The following COL12A1 variants were observed in gnomAD, a reference collection of about 807,000 sequenced individuals.
The protein encoded by COL12A1 is collagen alpha-1(XII) chain.
COL12A1 carries 114 observed loss-of-function variants against 349.7 expected under a neutral mutation model. That is an observed-to-expected ratio of 0.33 (90% CI 0.28 to 0.38). The LOEUF (loss-of-function observed/expected upper bound fraction) is 0.38. Among genes scored for constraint, COL12A1 ranks in the 10% least tolerant of loss-of-function variants. The pLI, the probability that COL12A1 is intolerant of heterozygous loss-of-function variation, is 1.00. For synonymous variants in COL12A1, 1,369 were observed against 1,329.0 expected (o/e 1.03, Z -0.66); for missense variants, 3,284 against 3,756.9 (o/e 0.87, Z 3.29).
rs1767749134 is a variant in COL12A1, at chr6:75,091,232, C to A, written c.8752+91G>T. ...TTATCAAATGAAATGAAAGAGAAAT[C>A]TATCTCTTAGAAACTTCATGACTCA... On this transcript the variant is annotated intron_variant, in intron 62 of 65. Transcript: ENST00000322507. 6 of 1,022,760 alleles carry A rather than the reference C, an allele frequency of 5.9e-6. No individual in the cohort carries two copies. In the South Asian group the frequency reaches 8.8e-5, roughly 15 times the overall value. The allele number at this position is 1,022,760 out of a possible 1,614,324, so 63.4% of individuals were successfully genotyped here.
chr6:75,163,294 A>C (rs1768113337), intron 14 of COL12A1, among the ~76,000 whole-genome samples: 1 of 152,240 alleles, frequency 6.6e-6, no homozygotes, highest in African/African-American at 2.4e-5. Context: ...TGGATAAAGA[A>C]AATGTGACAC....
chr6:75,107,172 G>A (rs1377805396), intron 52 of COL12A1, among the ~76,000 whole-genome samples: 1 of 151,944 alleles, frequency 6.6e-6, no homozygotes, highest in African/African-American at 2.4e-5. Flanking sequence ...GACTACAGGC[G>A]TGAGCCATGG....
chr6:75,094,757 G>A (rs1229759709), intron 60 of COL12A1, among the ~76,000 whole-genome samples: 1 of 152,130 alleles, frequency 6.6e-6, no homozygotes, highest in South Asian at 2.1e-4. Flanking sequence ...GTGCACCATC[G>A]TCATGTATTT....
At chr6:75,143,778 C>A (rs975799554) in intron 25 of COL12A1, among the ~76,000 whole-genome samples, 1 of 152,050 alleles carries the variant, frequency 6.6e-6, no homozygotes, top group African/African-American at 2.4e-5. Flanking sequence ...GAGTTATGCA[C>A]CCTCAAGAAC....
chr6:75,085,939 T>C lies in COL12A1; in HGVS notation c.*608A>G, dbSNP rs2149320236. The stretch of plus-strand genomic sequence containing the variant: ...TTAAACTTTGGTTTGAAAATTGCAG[T>C]TACAAAACCCAAATGAGAGGACACG... On this transcript the variant is annotated 3_prime_UTR_variant, in exon 66 of 66. Transcript: ENST00000322507. The C allele has an allele frequency of 6.5e-6, 1 of 153,816 alleles. No individual in the cohort carries two copies. The highest frequency in any genetic ancestry group is 1.9e-4 in the East Asian group (1 of 5,202). 9.5% of individuals were successfully genotyped at this position (153,816 alleles called of 1,614,324 possible).
At chr6:75,195,370 G>C (rs1391812365) in intron 2 of COL12A1, among the ~76,000 whole-genome samples, 3 of 152,116 alleles carry the variant, frequency 2.0e-5, no homozygotes, top group African/African-American at 7.2e-5. Flanking sequence ...CTTACAACCA[G>C]AGAAGTTAAT....
Position 75,125,259 on chromosome 6 carries a change from T to A in COL12A1, c.6475A>T (p.Met2159Leu), listed in dbSNP as rs1582089675. ...GTCATTTCTCCAACAAAGGCTTCCA[T>A]GGGCTCATTGGAACCTTTATTAACA... ...VYKPVGSNEP[M>L]EAFVGEMTSY... is the part of the protein sequence containing the mutation. Residue 2159 changes from methionine (M) to leucine (L), a missense_variant, in exon 40 of 66, where the codon ATG becomes TTG. Coordinates refer to ENST00000322507, the MANE Select transcript of COL12A1 (RefSeq NM_004370.6). The A allele has an allele frequency of 6.2e-7, 1 of 1,606,452 alleles. No individual in the cohort carries two copies. The highest frequency in any genetic ancestry group is 8.5e-7 in the Non-Finnish European group (1 of 1,176,428).
At chr6:75,194,780 A>G in intron 3 of COL12A1, 51 bp downstream of exon 3, 1 of 1,154,882 alleles carries the variant, frequency 8.7e-7, no homozygotes, top group South Asian at 1.4e-5. Flanking sequence ...GTGGAGATTG[A>G]GTTATATCAT....
At chr6:75,182,693 T>A (rs987348429) in intron 10 of COL12A1, among the ~76,000 whole-genome samples, 1 of 152,188 alleles carries the variant, frequency 6.6e-6, no homozygotes, top group African/African-American at 2.4e-5. Flanking sequence ...CACCTTTGAG[T>A]TGAAGGACCC....
intron 14 of COL12A1, among the ~76,000 whole-genome samples, chr6:75,165,224 G>C (rs888657486): frequency 1.3e-5 from 2 of 151,646 alleles, no homozygotes; most frequent in Non-Finnish European, 2.9e-5. Flanking sequence ...CATAGCTTCT[G>C]GTCTTTTTAC....
intron 40 of COL12A1, 102 bp from the exon 41 acceptor site, chr6:75,124,473 A>AG (rs1765916540): frequency 1.2e-6 from 1 of 828,944 alleles, no homozygotes; most frequent in Non-Finnish European, 1.8e-6. Context: ...GCTAAAAAAA[A>AG]GTTCAAAATT....
chr6:75,196,500 C>T, intron 2 of COL12A1, among the ~76,000 whole-genome samples: 1 of 152,202 alleles, frequency 6.6e-6, no homozygotes, highest in African/African-American at 2.4e-5. Flanking sequence ...ATTGGATACA[C>T]TAGTATTGGA....
At chr6:75,139,691 C>G (rs1028282963) in intron 27 of COL12A1, among the ~76,000 whole-genome samples, 1 of 152,162 alleles carries the variant, frequency 6.6e-6, no homozygotes, top group African/African-American at 2.4e-5. Context: ...AGGTAACCCA[C>G]ACATAGCTTC....
intron 3 of COL12A1, among the ~76,000 whole-genome samples, chr6:75,193,340 G>GA (rs1375200397): frequency 6.6e-6 from 1 of 152,058 alleles, no homozygotes; most frequent in African/African-American, 2.4e-5. Flanking sequence ...GATTGAAAGA[G>GA]AAAAAAGTAA....
At chr6:75,174,982 T>C in intron 13 of COL12A1, 56 bp downstream of exon 13, 1 of 1,587,928 alleles carries the variant, frequency 6.3e-7, no homozygotes, top group South Asian at 1.1e-5. Flanking sequence ...TTAAGCTTCC[T>C]AGAGGCAGCA....
intron 21 of COL12A1, among the ~76,000 whole-genome samples, chr6:75,149,571 AT>A (rs1306373213): frequency 6.6e-6 from 1 of 152,160 alleles, no homozygotes; most frequent in Non-Finnish European, 1.5e-5. Flanking sequence ...GAAAATGGAA[AT>A]ATTAAGCTCA....
rs778337439 is a variant in COL12A1, at chr6:75,104,892, A to G, written c.8265+314T>C. The stretch of plus-strand genomic sequence containing the variant: ...CATATAAGAAGCTTTCAGGAGACGT[A>G]AGGAATTTTCAGTCATGTAATTACA... On this transcript the variant is annotated intron_variant, in intron 54 of 65. Transcript: ENST00000322507. 4.9e-4 allele frequency among the ~76,000 whole-genome samples: 75 copies of G among 152,218 alleles called. 1 individual carries two copies. Among genetic ancestry groups the G allele is most frequent in the Non-Finnish European group, 1.5e-4 (10 of 68,040 alleles).
At position 75,106,467 on chromosome 6, in the gene COL12A1, G is replaced by A. The variant is rs1768550709; in HGVS notation, c.8130C>T (p.Cys2710=). 2.5e-6 allele frequency: 4 copies of A among 1,613,806 alleles called. No homozygotes were observed. The African/African-American group carries it at 5.3e-5, about 22-fold the overall frequency. ...TGTCTCTACTGGTCCACACTGGACT[G>A]CAGACAATGTCAAAACTCTGGATTT... ...AFQIQSFDIV[C]SPVWTSRDRC... is the part of the protein sequence containing the mutation. The change falls in exon 53 of 66, where the codon TGC becomes TGT. Residue 2710 remains cysteine, a synonymous_variant. Coordinates refer to ENST00000322507, the MANE Select transcript of COL12A1 (RefSeq NM_004370.6).
At chr6:75,187,114 A>G (rs141539984) in intron 8 of COL12A1, among the ~76,000 whole-genome samples, 267 of 151,064 alleles carry the variant, frequency 1.8e-3, no homozygotes, top group African/African-American at 6.2e-3. Flanking sequence ...GTACCCCTGA[A>G]CTTAAAAGTT....
Sources: allele counts gnomAD v4.1 joint callset (sites outside exome capture counted in the v4.1 genomes callset), GRCh38; gene constraint gnomAD v4.1.1; transcripts MANE v1.5; gene names NCBI Gene and HGNC (gene_info 2026-07-23, HGNC 2026-07-21).